Variants in NRXN1 observed in about 807,000 individuals in gnomAD.
The protein encoded by NRXN1 is neurexin-1.
NRXN1 carries 39 observed loss-of-function variants against 150.9 expected under a neutral mutation model. The ratio of observed to expected loss-of-function variants is 0.26; its 90% CI spans 0.20 to 0.34. NRXN1 has a LOEUF of 0.34. Among genes scored for constraint, NRXN1 ranks in the 10% least tolerant of loss-of-function variants. The pLI is 1.00. For synonymous variants in NRXN1, 924 were observed against 757.0 expected (o/e 1.22, Z -3.62); for missense variants, 1,815 against 1,949.9 (o/e 0.93, Z 1.30).
At chr2:51,021,110 A>G (rs1215216674) in intron 2 of NRXN1, among the ~76,000 whole-genome samples, 1 of 152,040 alleles carries the variant, frequency 6.6e-6, no homozygotes, top group African/African-American at 2.4e-5. Context: ...TACACAACAA[A>G]AAAAGTATAA....
intron 5 of NRXN1, chr2:50,919,444 A>G (rs1157822315): frequency 6.6e-6 from 1 of 151,824 alleles, no homozygotes; most frequent in Admixed American, 6.6e-5. Flanking sequence ...TTAAGAATTC[A>G]TAAAGAAGAA....
At chr2:50,576,341 T>C (rs536646420) in intron 8 of NRXN1, among the ~76,000 whole-genome samples, 1 of 152,006 alleles carries the variant, frequency 6.6e-6, no homozygotes, top group African/African-American at 2.4e-5. Context: ...CAGTAATAGA[T>C]TTTTTTTGGC....
At chr2:50,510,606 G>A (rs2092417693) in intron 12 of NRXN1, among the ~76,000 whole-genome samples, 3 of 149,348 alleles carry the variant, frequency 2.0e-5, no homozygotes, top group African/African-American at 7.4e-5. Flanking sequence ...GTTTTGATTT[G>A]TTTGTAATTT....
rs1474215642 is a variant in NRXN1, at chr2:50,904,036, G to A, written c.832+17833C>T. ...ATGTCTCTGCTGGAATCAGGGCAAG[G>A]GCTCCAAGTCCTGCTCTTTCCGCAC... On this transcript the variant is annotated intron_variant, in intron 5 of 22. Coordinates refer to ENST00000401669, the MANE Select transcript of NRXN1 (RefSeq NM_001330078.2). Among the ~76,000 whole-genome samples the A allele has an allele frequency of 4.6e-5, 7 of 152,068 alleles. No individual in the cohort carries two copies. The East Asian group carries it at 1.4e-3, about 30-fold the overall frequency.
intron 8 of NRXN1, among the ~76,000 whole-genome samples, chr2:50,613,380 T>C (rs1186253301): frequency 3.3e-5 from 5 of 152,150 alleles, no homozygotes; most frequent in East Asian, 3.9e-4. Flanking sequence ...ATATATACTA[T>C]TGTTATTATT....
At chr2:49,975,526 G>A (rs1017782432) in intron 21 of NRXN1, among the ~76,000 whole-genome samples, 5 of 151,980 alleles carry the variant, frequency 3.3e-5, no homozygotes, top group African/African-American at 1.2e-4. Flanking sequence ...ATTGAACCCT[G>A]TCAAGTTTTT....
At chr2:50,877,046 C>T (rs891172303) in intron 5 of NRXN1, among the ~76,000 whole-genome samples, 2 of 151,910 alleles carry the variant, frequency 1.3e-5, no homozygotes, top group South Asian at 4.1e-4. Flanking sequence ...ATTTAAACTT[C>T]ATTTTAATGT....
At chr2:50,654,117 T>C in intron 5 of NRXN1, among the ~76,000 whole-genome samples, 1 of 150,136 alleles carries the variant, frequency 6.7e-6, no homozygotes, top group Non-Finnish European at 1.5e-5. Flanking sequence ...GCCATGTTGG[T>C]GTGCTGCACC....
chr2:50,373,709 AAGAGAAAGAAAGACAGAC>A (rs2080273565), intron 17 of NRXN1, among the ~76,000 whole-genome samples: 2 of 116,958 alleles, frequency 1.7e-5, no homozygotes, highest in Admixed American at 8.9e-5. Flanking sequence ...GAAAGAAAGA[AAGAGAAAGAAAGACAGAC>A]AGACTAGTCA....
intron 2 of NRXN1, among the ~76,000 whole-genome samples, chr2:50,936,120 T>C (rs1201444265): frequency 6.6e-6 from 1 of 152,156 alleles, no homozygotes; most frequent in Non-Finnish European, 1.5e-5. Context: ...ATATGAGCTG[T>C]TGTTTGGAAA....
chr2:50,707,219 T>C (rs1390013816), intron 5 of NRXN1, among the ~76,000 whole-genome samples: 1 of 152,184 alleles, frequency 6.6e-6, no homozygotes, highest in Non-Finnish European at 1.5e-5. Flanking sequence ...AGTGGAATGA[T>C]AAGTGATGAC....
chr2:49,977,441 A>G (rs1679179156), intron 21 of NRXN1, among the ~76,000 whole-genome samples: 1 of 152,214 alleles, frequency 6.6e-6, no homozygotes, highest in South Asian at 2.1e-4. Context: ...CCAAATGTCA[A>G]CAGTGCTGAG....
At chr2:50,444,113 G>A (rs980940228) in intron 17 of NRXN1, among the ~76,000 whole-genome samples, 5 of 151,990 alleles carry the variant, frequency 3.3e-5, no homozygotes, top group East Asian at 1.9e-4. Context: ...ATAAATTTCC[G>A]TCCAATGACA....
chr2:50,002,885 T>C (rs951417284), intron 21 of NRXN1, among the ~76,000 whole-genome samples: 1 of 152,134 alleles, frequency 6.6e-6, no homozygotes, highest in Non-Finnish European at 1.5e-5. Flanking sequence ...ATAAAGTTCT[T>C]GAGAAAAGTT....
chr2:50,187,876 CTTTG>C lies in NRXN1; in HGVS notation c.3546+48909_3546+48912del, dbSNP rs559828703. On this transcript the variant is annotated intron_variant, in intron 18 of 22. Transcript: ENST00000401669. Reference sequence around the variant, plus strand: ...ATGGGAGTTCACTCATGATTTGGCACTTTGTTTGTCTATTGCTGGTGTATTAGAA... The same window carrying C: ...ATGGGAGTTCACTCATGATTTGGCACTTTGTCTATTGCTGGTGTATTAGAA... Among the ~76,000 whole-genome samples, 312 of 152,158 alleles carry C rather than the reference CTTTG, an allele frequency of 2.1e-3. 1 individual carries two copies. The highest frequency in any genetic ancestry group is 7.0e-3 in the African/African-American group (291 of 41,526).
chr2:50,637,872 A>AT (rs1353502875), intron 5 of NRXN1, among the ~76,000 whole-genome samples: 2 of 150,768 alleles, frequency 1.3e-5, no homozygotes, highest in African/African-American at 2.5e-5. Context: ...TAGATCTAGT[A>AT]TTTAAAAAAA....
At position 50,830,475 on chromosome 2, in the gene NRXN1, C is replaced by T. The variant is rs570608065; in HGVS notation, c.832+91394G>A. ...AAAAGCACTTGAAACCTTGGGCAGA[C>T]GTTTTTAAATGAAAAAAAAAAAAGT... On this transcript the variant is annotated intron_variant, in intron 5 of 22. Transcript: ENST00000401669. Among the ~76,000 whole-genome samples the T allele has an allele frequency of 5.3e-5, 8 of 149,880 alleles. No individual in the cohort carries two copies. The East Asian group carries it at 7.8e-4, about 15-fold the overall frequency.
intron 17 of NRXN1, among the ~76,000 whole-genome samples, chr2:50,287,293 A>G (rs2072317382): frequency 6.6e-6 from 1 of 152,096 alleles, no homozygotes; most frequent in South Asian, 2.1e-4. Flanking sequence ...TCAAAATAAT[A>G]GGACAAAAAT....
intron 17 of NRXN1, among the ~76,000 whole-genome samples, chr2:50,445,608 G>C (rs1025535882): frequency 6.6e-6 from 1 of 152,148 alleles, no homozygotes; most frequent in African/African-American, 2.4e-5. Flanking sequence ...GCTTATCTTT[G>C]TATCCTTAGT....
Sources: allele counts gnomAD v4.1 joint callset (sites outside exome capture counted in the v4.1 genomes callset), GRCh38; gene constraint gnomAD v4.1.1; transcripts MANE v1.5; gene names NCBI Gene and HGNC (gene_info 2026-07-23, HGNC 2026-07-21).